Variants in CTNNA3 observed in about 807,000 individuals in gnomAD.
CTNNA3 encodes the protein catenin alpha 3, also known as catenin alpha-3.
In CTNNA3, 76 loss-of-function variants were observed where a neutral mutation model predicts 95.7. The ratio of observed to expected loss-of-function variants is 0.79; its 90% confidence interval spans 0.66 to 0.96. The LOEUF is 0.96. CTNNA3 is among the 40% of genes least tolerant of loss of function. CTNNA3 has a pLI of 0.00. For synonymous variants in CTNNA3, 431 were observed against 374.4 expected (o/e 1.15, Z -1.74); for missense variants, 1,191 against 1,089.8 (o/e 1.09, Z -1.31).
rs186525246 is a variant in CTNNA3, at chr10:66,536,396, C to T, written c.1375-15623G>A. On this transcript the variant is annotated intron_variant, in intron 10 of 17. Transcript: ENST00000433211. Reference sequence around the variant, plus strand: ...ACTCAGGAAGCAGAGGCAGGGGAGTCGCTTGAACCCCGGAGGCAGAGATTG... The same window carrying T: ...ACTCAGGAAGCAGAGGCAGGGGAGTTGCTTGAACCCCGGAGGCAGAGATTG... Among the ~76,000 whole-genome samples, 191 of 150,556 alleles carry T rather than the reference C, an allele frequency of 1.3e-3. 1 individual carries two copies. The highest frequency in any genetic ancestry group is 4.4e-3 in the African/African-American group (180 of 40,986).
At chr10:66,447,273 C>T (rs1053707905) in intron 11 of CTNNA3, among the ~76,000 whole-genome samples, 1 of 152,028 alleles carries the variant, frequency 6.6e-6, no homozygotes. Flanking sequence ...AGATTCCATG[C>T]CATCCTCATC....
intron 9 of CTNNA3, among the ~76,000 whole-genome samples, chr10:66,763,769 A>T (rs2132774624): frequency 6.6e-6 from 1 of 152,312 alleles, no homozygotes; most frequent in Non-Finnish European, 1.5e-5. Context: ...TGCTGTGAAA[A>T]GCTGAAGCTA....
intron 9 of CTNNA3, among the ~76,000 whole-genome samples, chr10:66,736,239 G>A (rs989364104): frequency 6.6e-6 from 1 of 151,754 alleles, no homozygotes. Context: ...AGGCTGGAGT[G>A]CAGTGGTGCC....
intron 5 of CTNNA3, among the ~76,000 whole-genome samples, chr10:67,309,713 T>C (rs1282033116): frequency 1.3e-5 from 2 of 152,180 alleles, no homozygotes; most frequent in African/African-American, 2.4e-5. Flanking sequence ...TTGATCAATA[T>C]ACCACAATTA....
intron 5 of CTNNA3, among the ~76,000 whole-genome samples, chr10:67,340,442 GT>G (rs2132611951): frequency 6.6e-6 from 1 of 152,348 alleles, no homozygotes; most frequent in South Asian, 2.1e-4. Context: ...CCCATGCAGT[GT>G]CTATGATAAG....
At chr10:66,346,211 GTATATATA>G (rs368554085) in intron 12 of CTNNA3, among the ~76,000 whole-genome samples, 75 of 105,458 alleles carry the variant, frequency 7.1e-4, no homozygotes, top group South Asian at 2.8e-3. Context: ...ATGTGTGTGT[GTATATATA>G]TATATATATA....
At chr10:67,185,921 G>A (rs1055382599) in intron 6 of CTNNA3, among the ~76,000 whole-genome samples, 5 of 151,546 alleles carry the variant, frequency 3.3e-5, no homozygotes, top group Non-Finnish European at 4.4e-5. Flanking sequence ...TTGGGAGATT[G>A]AGGCAGGAGA....
intron 4 of CTNNA3, 148 bp downstream of exon 4, chr10:67,539,355 T>C: frequency 1.3e-6 from 1 of 763,716 alleles, no homozygotes; most frequent in Non-Finnish European, 2.1e-6. Context: ...TATACATTAG[T>C]CTTCACAACC....
intron 9 of CTNNA3, among the ~76,000 whole-genome samples, chr10:66,731,174 C>G (rs946630662): frequency 1.1e-4 from 17 of 152,088 alleles, no homozygotes; most frequent in Admixed American, 9.8e-4. Context: ...TGTACATTTA[C>G]CAGAAGAAAA....
rs546261607 is a variant in CTNNA3 at position 66,450,467 on chromosome 10, A to T, written c.1531+70150T>A. Among the ~76,000 whole-genome samples, 9 of 152,204 alleles carry T rather than the reference A, an allele frequency of 5.9e-5. 1 individual carries two copies. The South Asian group carries it at 1.9e-3, about 32-fold the overall frequency. On this transcript the variant is annotated intron_variant, in intron 11 of 17. Coordinates refer to ENST00000433211, the MANE Select transcript of CTNNA3 (RefSeq NM_013266.4). Reference sequence around the variant, plus strand: ...GATGTTAAGGGGTCACCATACAGCAAAACACTAAGCATTTTACATTTCAGC... The same window carrying T: ...GATGTTAAGGGGTCACCATACAGCATAACACTAAGCATTTTACATTTCAGC...
intron 7 of CTNNA3, among the ~76,000 whole-genome samples, chr10:66,870,558 C>A (rs372165975): frequency 6.3e-4 from 96 of 152,264 alleles, no homozygotes; most frequent in African/African-American, 2.2e-3. Flanking sequence ...ATGCTGTGAA[C>A]AAATTTCATA....
At chr10:66,863,621 T>C (rs1844045788) in intron 7 of CTNNA3, among the ~76,000 whole-genome samples, 1 of 152,196 alleles carries the variant, frequency 6.6e-6, no homozygotes, top group African/African-American at 2.4e-5. Flanking sequence ...GTTTTCAGTT[T>C]CTGAGATGGG....
intron 5 of CTNNA3, among the ~76,000 whole-genome samples, chr10:67,238,670 G>A (rs1163756860): frequency 6.6e-6 from 1 of 152,102 alleles, no homozygotes; most frequent in Non-Finnish European, 1.5e-5. Context: ...GAAAACGCAT[G>A]ATAAAAACAT....
At chr10:66,036,248 A>G (rs1468714764) in intron 15 of CTNNA3, among the ~76,000 whole-genome samples, 1 of 152,204 alleles carries the variant, frequency 6.6e-6, no homozygotes, top group Non-Finnish European at 1.5e-5. Flanking sequence ...CAAACAGCTC[A>G]CGGCAGAATC....
At chr10:67,756,660 T>A (rs1358250945) in intron 1 of CTNNA3, among the ~76,000 whole-genome samples, 2 of 152,068 alleles carry the variant, frequency 1.3e-5, no homozygotes, top group Non-Finnish European at 2.9e-5. Flanking sequence ...AGAAAGCAGA[T>A]TAGTGATTGC....
intron 3 of CTNNA3, among the ~76,000 whole-genome samples, chr10:67,562,424 C>G (rs1045484616): frequency 1.1e-4 from 16 of 152,124 alleles, no homozygotes; most frequent in African/African-American, 3.9e-4. Flanking sequence ...AAAGGCCTTT[C>G]ACAAAATTCA....
chr10:66,348,150 C>T (rs899482912), intron 12 of CTNNA3, among the ~76,000 whole-genome samples: 42 of 152,094 alleles, frequency 2.8e-4, no homozygotes, highest in African/African-American at 9.9e-4. Flanking sequence ...TAAGCCTCTT[C>T]TCTTCCTGTC....
intron 5 of CTNNA3, among the ~76,000 whole-genome samples, chr10:67,427,347 C>T (rs1239939840): frequency 6.6e-6 from 1 of 151,862 alleles, no homozygotes; most frequent in East Asian, 1.9e-4. Context: ...GGAGAATCTT[C>T]CTGGAGGGAG....
chr10:66,308,119 A>G (rs1047018302), intron 12 of CTNNA3, among the ~76,000 whole-genome samples: 1 of 152,212 alleles, frequency 6.6e-6, no homozygotes, highest in Non-Finnish European at 1.5e-5. Context: ...ACATTTTGCT[A>G]TAACCCTGCA....
Sources: gnomAD v4.1 joint callset for allele counts (sites outside exome capture counted in the v4.1 genomes callset) on GRCh38, gnomAD v4.1.1 for gene constraint, MANE v1.5 for transcripts, NCBI Gene and HGNC (gene_info 2026-07-23, HGNC 2026-07-21) for gene names.